The following DCDC1 variants were observed in gnomAD, a reference collection of about 807,000 sequenced individuals.
The protein encoded by DCDC1 is doublecortin domain-containing protein 1.
Under a neutral mutation model 178.3 loss-of-function variants are expected in DCDC1, and 200 were observed. The ratio of observed to expected loss-of-function variants is 1.12; its 90% confidence interval spans 1.00 to 1.26. The LOEUF (loss-of-function observed/expected upper bound fraction) is 1.26. DCDC1 is among the 50% of genes most tolerant of loss of function. The pLI is 0.00. For missense variants in DCDC1, 1,983 were observed against 1,749.2 expected (o/e 1.13, Z -2.38); for synonymous variants, 690 against 604.8 (o/e 1.14, Z -2.07).
At chr11:31,114,496 A>T (rs1418433855) in intron 11 of DCDC1, among the ~76,000 whole-genome samples, 1 of 152,148 alleles carries the variant, frequency 6.6e-6, no homozygotes, top group Non-Finnish European at 1.5e-5. Flanking sequence ...TGGTCATCAT[A>T]TGAAATGGGT....
intron 17 of DCDC1, among the ~76,000 whole-genome samples, chr11:31,085,108 C>G (rs1339043119): frequency 2.0e-5 from 3 of 151,642 alleles, no homozygotes; most frequent in African/African-American, 4.8e-5. Flanking sequence ...CTGTCTCCTT[C>G]TAAAGTAACC....
intron 1 of DCDC1, among the ~76,000 whole-genome samples, chr11:31,359,865 G>T (rs1444326828): frequency 1.3e-5 from 2 of 152,250 alleles, no homozygotes; most frequent in East Asian, 3.9e-4. Context: ...AGCTAAGGTG[G>T]TATGGCAGAA....
intron 17 of DCDC1, among the ~76,000 whole-genome samples, chr11:31,086,751 C>T (rs538613124): frequency 5.3e-5 from 8 of 152,068 alleles, no homozygotes; most frequent in African/African-American, 1.9e-4. Context: ...CTGGGATAAA[C>T]CCCACTTGTT....
chr11:30,888,833 GT>G (rs536225982), intron 36 of DCDC1, among the ~76,000 whole-genome samples: 2 of 152,324 alleles, frequency 1.3e-5, no homozygotes, highest in South Asian at 4.1e-4. Context: ...TAAATTAAAT[GT>G]TTTTGCAATA....
At chr11:31,265,754 C>T (rs1945111525) in intron 7 of DCDC1, among the ~76,000 whole-genome samples, 154 bp from the exon 8 acceptor site, 1 of 150,402 alleles carries the variant, frequency 6.6e-6, no homozygotes, top group African/African-American at 2.4e-5. Context: ...AATTTAAAAG[C>T]AGTTAAAATT....
chr11:31,053,208 T>C lies in DCDC1; in HGVS notation c.2591+11261A>G, dbSNP rs999426226. Among the ~76,000 whole-genome samples the C allele has an allele frequency of 4.6e-5, 7 of 152,092 alleles. No individual in the cohort carries two copies. The East Asian group carries it at 7.7e-4, about 17-fold the overall frequency. ...TCCAAGGCTACTATGAACACCTTTA[T>C]GCACATAAACTGGAAAACCTACAAG... On this transcript the variant is annotated intron_variant, in intron 20 of 38. Coordinates refer to ENST00000684477, the MANE Select transcript of DCDC1 (RefSeq NM_001387274.1).
At chr11:31,061,860 C>T (rs1444902836) in intron 20 of DCDC1, among the ~76,000 whole-genome samples, 3 of 152,100 alleles carry the variant, frequency 2.0e-5, no homozygotes, top group Admixed American at 1.3e-4. Context: ...TCAGATAGGT[C>T]TTCTGGTATG....
chr11:31,133,266 A>T (rs1210166497), intron 10 of DCDC1, among the ~76,000 whole-genome samples: 1 of 152,190 alleles, frequency 6.6e-6, no homozygotes, highest in East Asian at 1.9e-4. Flanking sequence ...AATCCAGAGC[A>T]CTTTGCACAG....
intron 22 of DCDC1, among the ~76,000 whole-genome samples, chr11:30,927,763 G>C (rs943574025): frequency 3.3e-5 from 5 of 152,070 alleles, no homozygotes; most frequent in Non-Finnish European, 7.4e-5. Context: ...CAACAACAAA[G>C]AGAACCTCAA....
At chr11:30,968,589 C>G (rs1949577861) in intron 20 of DCDC1, among the ~76,000 whole-genome samples, 1 of 149,212 alleles carries the variant, frequency 6.7e-6, no homozygotes, top group African/African-American at 2.5e-5. Flanking sequence ...AACTTTATCA[C>G]TTATGTTTAT....
intron 1 of DCDC1, among the ~76,000 whole-genome samples, chr11:31,351,380 C>T (rs892980112): frequency 6.6e-6 from 1 of 151,942 alleles, no homozygotes; most frequent in Non-Finnish European, 1.5e-5. Flanking sequence ...CAAATAGAAG[C>T]ATAAAAATAC....
chr11:31,368,340 T>A (rs1424862859), intron 1 of DCDC1, among the ~76,000 whole-genome samples: 4 of 152,230 alleles, frequency 2.6e-5, no homozygotes, highest in Admixed American at 2.6e-4. Flanking sequence ...GGAGCATATC[T>A]ACCTACACAA....
At chr11:31,064,914 T>G (rs1956161754) in intron 19 of DCDC1, 105 bp downstream of exon 19, 1 of 591,444 alleles carries the variant, frequency 1.7e-6, no homozygotes, top group African/African-American at 1.9e-5. Flanking sequence ...AACATTAAGT[T>G]GTGAATTTGT....
intron 21 of DCDC1, among the ~76,000 whole-genome samples, chr11:30,934,508 T>C (rs890867610): frequency 7.2e-5 from 11 of 152,014 alleles, no homozygotes; most frequent in African/African-American, 2.4e-4. Context: ...AAGTTGGGAG[T>C]TCTCCCACAG....
intron 7 of DCDC1, among the ~76,000 whole-genome samples, chr11:31,266,032 G>A (rs1325643643): frequency 2.6e-5 from 4 of 151,494 alleles, no homozygotes; most frequent in African/African-American, 9.7e-5. Flanking sequence ...TTCACAATGA[G>A]AGGATATTAC....
chr11:31,021,444 A>G (rs1259615261), intron 20 of DCDC1, among the ~76,000 whole-genome samples: 1 of 152,206 alleles, frequency 6.6e-6, no homozygotes, highest in Non-Finnish European at 1.5e-5. Flanking sequence ...AAAAATCTCA[A>G]ATGTGTTGTT....
intron 20 of DCDC1, among the ~76,000 whole-genome samples, chr11:31,006,203 AC>A (rs1400260218): frequency 6.6e-6 from 1 of 151,664 alleles, no homozygotes; most frequent in Non-Finnish European, 1.5e-5. Context: ...TCTTTTTGAA[AC>A]TCTCTCTGTA....
intron 3 of DCDC1, among the ~76,000 whole-genome samples, chr11:31,309,680 T>C (rs1948655871): frequency 6.6e-6 from 1 of 152,196 alleles, no homozygotes; most frequent in Non-Finnish European, 1.5e-5. Flanking sequence ...GAATAAGGTG[T>C]CTTTTTTAAT....
At chr11:31,356,711 G>C (rs1290253560) in intron 1 of DCDC1, among the ~76,000 whole-genome samples, 4 of 150,882 alleles carry the variant, frequency 2.7e-5, no homozygotes, top group Non-Finnish European at 5.9e-5. Context: ...AAGAAAAAAA[G>C]AGAGAAGAAT....
Sources: gnomAD v4.1 joint callset for allele counts (sites outside exome capture counted in the v4.1 genomes callset) on GRCh38, gnomAD v4.1.1 for gene constraint, MANE v1.5 for transcripts, NCBI Gene and HGNC (gene_info 2026-07-23, HGNC 2026-07-21) for gene names.